Variants in UNC13A observed in about 807,000 individuals in gnomAD.
The protein encoded by UNC13A is unc-13 homolog A, also known as protein unc-13 homolog A.
A neutral mutation model predicts 219.7 loss-of-function variants in UNC13A; 61 were observed. The ratio of observed to expected loss-of-function variants is 0.28; its 90% CI spans 0.23 to 0.34. UNC13A has a LOEUF of 0.34. Among genes scored for constraint, UNC13A ranks in the 10% least tolerant of loss-of-function variants. The pLI, the probability that UNC13A is intolerant of heterozygous loss-of-function variation, is 1.00. For missense variants in UNC13A, 1,476 were observed against 2,270.3 expected (o/e 0.65, Z 7.11); for synonymous variants, 920 against 884.6 (o/e 1.04, Z -0.71).
intron 36 of UNC13A, chr19:17,622,484 G>A (rs908230323): frequency 6.6e-6 from 1 of 152,492 alleles, no homozygotes; most frequent in African/African-American, 2.4e-5. Context: ...GCCTGTGGTT[G>A]GGTATGCTGC....
In UNC13A at chr19:17,630,704, C is replaced by T. The variant is rs1242931512; in HGVS notation, c.3475G>A (p.Val1159Met). ...GCACCGTGCAGGAAATCCCGGGACA[C>T]CTCCTCATTCTCATCCAGCCACTGG... ...VIQWLDENEE[V>M]SRDFLHGALE... The change falls in exon 29 of 44, where the codon GTG becomes ATG. Residue 1159 changes from valine to methionine, a missense_variant. By Grantham distance (21) the Val-to-Met change is conservative. This residue lies in a region of UNC13A where 218 missense variants were observed against 409.4 expected (regional missense o/e 0.53). Coordinates refer to ENST00000519716, the MANE Select transcript of UNC13A (RefSeq NM_001080421.3). The T allele has an allele frequency of 6.2e-7, 1 of 1,613,894 alleles. No individual in the cohort carries two copies. The highest frequency in any genetic ancestry group is 8.5e-7 in the Non-Finnish European group (1 of 1,179,882).
intron 7 of UNC13A, among the ~76,000 whole-genome samples, chr19:17,665,548 C>T (rs964203827): frequency 2.0e-5 from 3 of 152,190 alleles, no homozygotes; most frequent in Non-Finnish European, 4.4e-5. Context: ...GTCCCTCAGA[C>T]CTGGGTTCAA....
At chr19:17,686,142 G>A (rs951502363) in intron 1 of UNC13A, among the ~76,000 whole-genome samples, 2 of 150,768 alleles carry the variant, frequency 1.3e-5, no homozygotes, top group Non-Finnish European at 3.0e-5. Context: ...CCACTCAGCC[G>A]GGCCCCTCCC....
At chr19:17,643,279 T>C (rs1208279533) in intron 19 of UNC13A, among the ~76,000 whole-genome samples, 2 of 151,652 alleles carry the variant, frequency 1.3e-5, no homozygotes, top group African/African-American at 2.4e-5. Flanking sequence ...CCCAAAGTGC[T>C]GGAATTACAG....
intron 1 of UNC13A, among the ~76,000 whole-genome samples, chr19:17,680,884 C>CTTTTTTTTTT (rs2079997096): frequency 1.0e-4 from 7 of 69,542 alleles, no homozygotes; most frequent in African/African-American, 1.8e-4. Flanking sequence ...TTTTTCTTTT[C>CTTTTTTTTTT]TTTTCTTTTT....
chr19:17,680,233 C>T (rs572932705), intron 1 of UNC13A, among the ~76,000 whole-genome samples: 2 of 152,136 alleles, frequency 1.3e-5, no homozygotes, highest in Non-Finnish European at 1.5e-5. Flanking sequence ...CTGTCTTCCC[C>T]GGTCAGTAAA....
chr19:17,640,268 G>A (rs1442834789), intron 22 of UNC13A, among the ~76,000 whole-genome samples: 1 of 152,096 alleles, frequency 6.6e-6, no homozygotes, highest in African/African-American at 2.4e-5. Flanking sequence ...CGAACTCCTG[G>A]CCTCAAGTGA....
intron 40 of UNC13A, 98 bp downstream of exon 40, chr19:17,618,323 C>A: frequency 3.1e-6 from 4 of 1,305,808 alleles, no homozygotes; most frequent in Non-Finnish European, 4.3e-6. Context: ...ATAAATTGAA[C>A]AAATTAATGT....
intron 33 of UNC13A, 143 bp from the exon 34 acceptor site, chr19:17,626,928 TC>T: frequency 1.5e-6 from 2 of 1,297,810 alleles, no homozygotes; most frequent in South Asian, 3.3e-5. Context: ...ATGCGGTGGC[TC>T]ACGCCTTTAA....
At position 17,605,356 on chromosome 19, in the gene UNC13A, G is replaced by T. The variant is rs1276618748; in HGVS notation, c.*698C>A. ...TGAGGACTGGGTTTGTTGGGGGAGA[G>T]GGAGAGGCAAACTCCCAAAGGGAAG... On this transcript the variant is annotated 3_prime_UTR_variant, in exon 44 of 44. Coordinates refer to ENST00000519716, the MANE Select transcript of UNC13A (RefSeq NM_001080421.3). 6.5e-6 allele frequency: 1 copy of T among 152,740 alleles called. No individual in the cohort carries two copies. The highest frequency in any genetic ancestry group is 2.4e-5 in the African/African-American group (1 of 41,464). The allele number at this position is 152,740 out of a possible 1,614,324, so 9.5% of individuals were successfully genotyped here.
chr19:17,618,144 C>T (rs916256777), intron 40 of UNC13A, among the ~76,000 whole-genome samples: 1 of 152,168 alleles, frequency 6.6e-6, no homozygotes, highest in Non-Finnish European at 1.5e-5. Context: ...CCCTCTACAC[C>T]TTCTCACTCT....
intron 17 of UNC13A, 135 bp downstream of exon 17, chr19:17,647,130 C>T (rs1453935868): frequency 2.5e-6 from 2 of 808,816 alleles, no homozygotes; most frequent in East Asian, 2.7e-5. Flanking sequence ...CGTGCACACA[C>T]GGAGATGAGA....
chr19:17,618,106 T>A (rs1171089146), intron 40 of UNC13A, among the ~76,000 whole-genome samples: 2 of 151,794 alleles, frequency 1.3e-5, no homozygotes, highest in African/African-American at 4.8e-5. Flanking sequence ...CCTCAAGAAA[T>A]GCCTGGCACG....
chr19:17,648,351 C>G (rs2145069531), intron 16 of UNC13A, 80 bp downstream of exon 16: 1 of 940,798 alleles, frequency 1.1e-6, no homozygotes, highest in Non-Finnish European at 1.4e-6. Flanking sequence ...CATCGCCTTG[C>G]CCTTCAGCCT....
chr19:17,673,146 T>C (rs1280125874), intron 3 of UNC13A, among the ~76,000 whole-genome samples: 1 of 151,234 alleles, frequency 6.6e-6, no homozygotes, highest in Non-Finnish European at 1.5e-5. Flanking sequence ...TCACCTGAGG[T>C]TGGGAATTTA....
Position 17,601,773 on chromosome 19 carries a change from G to A in UNC13A, c.*4281C>T, listed in dbSNP as rs1391087821. 6.6e-6 allele frequency: 1 copy of A among 152,546 alleles called. No homozygotes were observed. The highest frequency in any genetic ancestry group is 6.5e-5 in the Admixed American group (1 of 15,270). 9.4% of individuals were successfully genotyped at this position (152,546 alleles called of 1,614,324 possible). ...CTATGGCTGGACGGGGGTAAGGGGT[G>A]GGGTGTTACTTGACACAGTCAACTT... On this transcript the variant is annotated 3_prime_UTR_variant, in exon 44 of 44. Transcript: ENST00000519716.
chr19:17,651,720 C>T (rs375169033), intron 12 of UNC13A, among the ~76,000 whole-genome samples: 3 of 152,152 alleles, frequency 2.0e-5, no homozygotes, highest in Non-Finnish European at 2.9e-5. Context: ...TCATAAATCA[C>T]GTGCACAGGA....
intron 31 of UNC13A, among the ~76,000 whole-genome samples, 190 bp downstream of exon 31, chr19:17,629,049 GA>G (rs1246005919): frequency 1.3e-5 from 2 of 151,948 alleles, no homozygotes; most frequent in African/African-American, 4.8e-5. Context: ...CATACACTCA[GA>G]CACACACAAC....
chr19:17,626,871 C>A, intron 33 of UNC13A, 86 bp from the exon 34 acceptor site: 1 of 1,490,304 alleles, frequency 6.7e-7, no homozygotes, highest in South Asian at 1.4e-5. Flanking sequence ...GAGGTCATAT[C>A]ATTTGCATCA....
Sources: allele counts gnomAD v4.1 joint callset (sites outside exome capture counted in the v4.1 genomes callset), GRCh38; gene constraint gnomAD v4.1.1; regional missense constraint gnomAD v4.1.1; transcripts MANE v1.5; gene names NCBI Gene and HGNC (gene_info 2026-07-23, HGNC 2026-07-21).